GATAD1: variants seen among roughly 807,000 people sequenced by gnomAD.
GATAD1 encodes GATA zinc finger domain-containing protein 1.
In GATAD1, 12 loss-of-function variants were observed where a neutral mutation model predicts 26.5. The ratio of observed to expected loss-of-function variants is 0.45; its 90% CI spans 0.29 to 0.73. The LOEUF (loss-of-function observed/expected upper bound fraction) is 0.73. Ranked by LOEUF, GATAD1 falls within the 30% of genes least tolerant of loss-of-function variation. The probability of loss-of-function intolerance (pLI) is 0.10; values close to 1 mark genes in which losing one functional copy is unlikely to be tolerated. For synonymous variants in GATAD1, 129 were observed against 133.1 expected (o/e 0.97, Z 0.21); for missense variants, 266 against 342.1 (o/e 0.78, Z 1.75).
chr7:92,486,765 T>G, the GATAD1 span, among the ~76,000 whole-genome samples: 1 of 152,310 alleles, frequency 6.6e-6, no homozygotes, highest in South Asian at 2.1e-4. Context: ...ACCCCATTAC[T>G]ATATAGTTAA....
the GATAD1 span, chr7:92,468,900 C>A: frequency 1.3e-6 from 1 of 764,266 alleles, no homozygotes; most frequent in Non-Finnish European, 2.4e-6. Flanking sequence ...AGATCTTAGT[C>A]TTGGACTGCA....
the GATAD1 span, among the ~76,000 whole-genome samples, chr7:92,495,627 C>T: frequency 6.6e-6 from 1 of 152,076 alleles, no homozygotes; most frequent in African/African-American, 2.4e-5. Context: ...TTATCTTTTA[C>T]ATTTCTGGGA....
the GATAD1 span, chr7:92,487,482 G>A: frequency 6.3e-7 from 1 of 1,593,196 alleles, no homozygotes. Context: ...TTTCTGTCCA[G>A]GTCGAAACAT....
the GATAD1 span, among the ~76,000 whole-genome samples, chr7:92,481,772 A>G: frequency 1.3e-5 from 2 of 152,320 alleles, no homozygotes; most frequent in East Asian, 3.9e-4. Flanking sequence ...TTTTGTTAGG[A>G]TGGCAAAACC....
the GATAD1 span, chr7:92,469,161 A>G: frequency 8.2e-5 from 58 of 707,932 alleles, no homozygotes; most frequent in Non-Finnish European, 1.2e-4. Context: ...ATTGATTAAC[A>G]TAATAACAGC....
the GATAD1 span, among the ~76,000 whole-genome samples, chr7:92,476,583 C>T: frequency 6.6e-6 from 1 of 152,112 alleles, no homozygotes; most frequent in African/African-American, 2.4e-5. Context: ...CTTTCTCTTT[C>T]TTTCTCTCTT....
Position 92,459,846 on chromosome 7 carries a change from T to G in GATAD1, c.*3284T>G, listed in dbSNP as rs1441114070. On this transcript the variant is annotated 3_prime_UTR_variant, in exon 5 of 5. Transcript: ENST00000287957. ...GAGATGCTGATTGTAGGGTCTGAGTTAGATACTGTTAACTAAAATGCTTGT... is the reference window on the plus strand; with the variant it reads ...GAGATGCTGATTGTAGGGTCTGAGTGAGATACTGTTAACTAAAATGCTTGT... 1.3e-5 allele frequency among the ~76,000 whole-genome samples: 2 copies of G among 152,348 alleles called. No homozygotes were observed. The highest frequency in any genetic ancestry group is 3.9e-4 in the East Asian group (2 of 5,192).
the GATAD1 span, chr7:92,469,548 A>G: frequency 1.0e-5 from 8 of 765,998 alleles, no homozygotes; most frequent in South Asian, 9.4e-5. Context: ...CATTCAAACA[A>G]CGATAGGCTG....
chr7:92,494,089 A>G, the GATAD1 span: 1 of 551,614 alleles, frequency 1.8e-6, no homozygotes, highest in South Asian at 2.1e-5. Context: ...GAAGGATTAC[A>G]AAGTTTTCAG....
At chr7:92,482,736 T>A in the GATAD1 span, among the ~76,000 whole-genome samples, 1 of 152,032 alleles carries the variant, frequency 6.6e-6, no homozygotes, top group East Asian at 1.9e-4. Context: ...GGGAAGCAGA[T>A]AATTTGGTTA....
the GATAD1 span, chr7:92,494,588 A>G: frequency 1.9e-6 from 3 of 1,614,078 alleles, no homozygotes; most frequent in Middle Eastern, 1.7e-4. Flanking sequence ...AATGGATTCA[A>G]ATTCATCAAA....
chr7:92,476,596 A>ACC, the GATAD1 span, among the ~76,000 whole-genome samples: 15 of 138,078 alleles, frequency 1.1e-4, no homozygotes, highest in East Asian at 3.2e-3. Flanking sequence ...TCTCTCTTTG[A>ACC]CTCTCTCTCT....
At position 92,456,750 on chromosome 7, in the gene GATAD1, A is replaced by G; in HGVS notation, c.*188A>G. On this transcript the variant is annotated 3_prime_UTR_variant, in exon 5 of 5. Transcript: ENST00000287957. ...CAAGATATGTCATAGGTATCTTTAA[A>G]TGAAATTCTTAGCTGGAAAAGTGAC... 4.3e-6 allele frequency: 2 copies of G among 461,832 alleles called. No individual in the cohort carries two copies. The highest frequency in any genetic ancestry group is 7.6e-6 in the Non-Finnish European group (2 of 264,690). The allele number at this position is 461,832 out of a possible 1,614,324, so 28.6% of individuals were successfully genotyped here.
chr7:92,486,472 A>G, the GATAD1 span, among the ~76,000 whole-genome samples: 1 of 152,240 alleles, frequency 6.6e-6, no homozygotes, highest in African/African-American at 2.4e-5. Flanking sequence ...TGATTTCATC[A>G]AAGAACTGAG....
chr7:92,465,186 T>C, the GATAD1 span: 2 of 152,144 alleles, frequency 1.3e-5, no homozygotes, highest in Non-Finnish European at 2.9e-5. Context: ...CCGAAAGAAA[T>C]TGGGTAAATG....
intron 3 of GATAD1, among the ~76,000 whole-genome samples, chr7:92,451,606 CAG>C (rs1333336846): frequency 7.9e-5 from 12 of 152,284 alleles, no homozygotes; most frequent in East Asian, 5.8e-4. Context: ...TTCCTCCCAA[CAG>C]GGGTACACTG....
At chr7:92,468,849 A>T in the GATAD1 span, 4 of 764,512 alleles carry the variant, frequency 5.2e-6, no homozygotes, top group Non-Finnish European at 7.2e-6. Context: ...TGTCATTAAC[A>T]TCAGATCGTG....
chr7:92,470,310 T>C, the GATAD1 span: 1 of 776,686 alleles, frequency 1.3e-6, no homozygotes, highest in African/African-American at 1.7e-5. Context: ...TACAGCGGCA[T>C]GGAGGGGGTG....
the GATAD1 span, chr7:92,474,979 T>C: frequency 6.6e-6 from 1 of 151,930 alleles, no homozygotes; most frequent in African/African-American, 2.4e-5. Context: ...GGGGTCCTTA[T>C]TAGTTGGGGA....
Sources: gnomAD v4.1 joint callset for allele counts (sites outside exome capture counted in the v4.1 genomes callset) on GRCh38, gnomAD v4.1.1 for gene constraint, MANE v1.5 for transcripts, NCBI Gene and HGNC (gene_info 2026-07-23, HGNC 2026-07-21) for gene names.